SPMIP7: variants seen among roughly 807,000 people sequenced by gnomAD.
SPMIP7 encodes the protein sperm microtubule inner protein 7.
the SPMIP7 span, chr7:50,134,302 T>C: frequency 1.1e-5 from 15 of 1,422,146 alleles, no homozygotes; most frequent in African/African-American, 2.2e-4. Context: ...AAATGAGTTC[T>C]AAAACTTTAA....
At chr7:50,157,752 C>T in the SPMIP7 span, among the ~76,000 whole-genome samples, 8 of 152,138 alleles carry the variant, frequency 5.3e-5, no homozygotes, top group Admixed American at 2.6e-4. Flanking sequence ...TTTCAGGCCA[C>T]GGGCTTGTGG....
chr7:50,148,973 C>T, the SPMIP7 span, among the ~76,000 whole-genome samples: 6 of 152,232 alleles, frequency 3.9e-5, 1 homozygote, highest in African/African-American at 1.2e-4. Context: ...GGTGAAACCC[C>T]GACTCTACTA....
the SPMIP7 span, among the ~76,000 whole-genome samples, chr7:50,152,367 G>T: frequency 6.6e-6 from 1 of 152,086 alleles, no homozygotes; most frequent in Non-Finnish European, 1.5e-5. Flanking sequence ...CAGAAAACAG[G>T]AAATGTTAGA....
At chr7:50,131,388 G>T in the SPMIP7 span, among the ~76,000 whole-genome samples, 1 of 152,178 alleles carries the variant, frequency 6.6e-6, no homozygotes, top group Non-Finnish European at 1.5e-5. Flanking sequence ...TGAATATAAA[G>T]ATGTTCATTA....
chr7:50,145,618 G>GTATGTA, the SPMIP7 span, among the ~76,000 whole-genome samples: 3 of 27,712 alleles, frequency 1.1e-4, no homozygotes, highest in East Asian at 1.5e-3. Flanking sequence ...ATATGTGTGT[G>GTATGTA]TATATATATA....
the SPMIP7 span, among the ~76,000 whole-genome samples, chr7:50,127,366 G>A: frequency 1.3e-5 from 2 of 151,566 alleles, no homozygotes; most frequent in Non-Finnish European, 2.9e-5. Context: ...TTTTGTGTAA[G>A]ACCTCAAAAG....
the SPMIP7 span, among the ~76,000 whole-genome samples, chr7:50,158,704 A>G: frequency 6.7e-6 from 1 of 148,660 alleles, no homozygotes; most frequent in Non-Finnish European, 1.5e-5. Context: ...TCCGCCCCTC[A>G]CTCCTCCTTG....
the SPMIP7 span, among the ~76,000 whole-genome samples, chr7:50,127,995 C>T: frequency 2.0e-5 from 3 of 151,836 alleles, no homozygotes; most frequent in African/African-American, 7.3e-5. Context: ...AACAATATAT[C>T]GAAAAGATAT....
the SPMIP7 span, chr7:50,104,510 G>T: frequency 5.7e-6 from 2 of 353,808 alleles, no homozygotes; most frequent in Non-Finnish European, 9.2e-6. Context: ...ATTTGATATT[G>T]TATGCCTTAG....
the SPMIP7 span, among the ~76,000 whole-genome samples, chr7:50,116,914 T>C: frequency 6.6e-6 from 1 of 152,208 alleles, no homozygotes; most frequent in South Asian, 2.1e-4. Flanking sequence ...CGCTAGGATG[T>C]AACCTGAGTG....
the SPMIP7 span, among the ~76,000 whole-genome samples, chr7:50,122,697 A>G: frequency 1.3e-5 from 2 of 151,336 alleles, no homozygotes; most frequent in Non-Finnish European, 3.0e-5. Flanking sequence ...CAGAATCTAC[A>G]ATGAACTCAA....
chr7:50,102,842 CATTAATTATAGTTTTTA>C, the SPMIP7 span, among the ~76,000 whole-genome samples: 3 of 151,418 alleles, frequency 2.0e-5, no homozygotes, highest in African/African-American at 7.3e-5. Context: ...TCTTTGTGTT[CATTAATTATAGTTTTTA>C]TAACTCTGAC....
At chr7:50,145,616 GTGTATATATATATATA>G in the SPMIP7 span, among the ~76,000 whole-genome samples, 8 of 26,944 alleles carry the variant, frequency 3.0e-4, 1 homozygote, top group African/African-American at 1.2e-3. Context: ...GTATATGTGT[GTGTATATATATATATA>G]TATATATATA....
chr7:50,100,384 G>T, the SPMIP7 span, among the ~76,000 whole-genome samples: 9 of 152,236 alleles, frequency 5.9e-5, no homozygotes, highest in Non-Finnish European at 8.8e-5. Flanking sequence ...CTTTCACTCA[G>T]TTTCTGTATT....
chr7:50,110,900 G>A, the SPMIP7 span, among the ~76,000 whole-genome samples: 1 of 120,182 alleles, frequency 8.3e-6, no homozygotes, highest in African/African-American at 3.6e-5. Context: ...CATAATATAT[G>A]ATTATATATA....
At chr7:50,154,850 A>G in the SPMIP7 span, among the ~76,000 whole-genome samples, 1 of 152,212 alleles carries the variant, frequency 6.6e-6, no homozygotes, top group Non-Finnish European at 1.5e-5. Flanking sequence ...CTACATGCTC[A>G]TCAACACTTA....
the SPMIP7 span, among the ~76,000 whole-genome samples, chr7:50,123,333 C>T: frequency 6.4e-4 from 87 of 135,866 alleles, 1 homozygote; most frequent in Non-Finnish European, 9.5e-4. Flanking sequence ...AACCAAACAC[C>T]GCATATTCTC....
the SPMIP7 span, among the ~76,000 whole-genome samples, chr7:50,146,745 C>T: frequency 6.6e-6 from 1 of 152,336 alleles, no homozygotes; most frequent in East Asian, 1.9e-4. Flanking sequence ...GCTGACCCTC[C>T]TTAAAGTCCA....
At chr7:50,113,416 T>C in the SPMIP7 span, among the ~76,000 whole-genome samples, 1 of 152,198 alleles carries the variant, frequency 6.6e-6, no homozygotes, top group Admixed American at 6.5e-5. Context: ...GCAGCTATTG[T>C]ATTCAAACAG....
Sources: gnomAD v4.1 joint callset for allele counts (sites outside exome capture counted in the v4.1 genomes callset) on GRCh38, gnomAD v4.1.1 for gene constraint, MANE v1.5 for transcripts, NCBI Gene and HGNC (gene_info 2026-07-23, HGNC 2026-07-21) for gene names.